Variants in ATRNL1 observed in about 807,000 individuals in gnomAD.
The protein encoded by ATRNL1 is attractin-like protein 1.
In ATRNL1, 95 loss-of-function variants were observed where a neutral mutation model predicts 182.7. The ratio of observed to expected loss-of-function variants is 0.52; its 90% confidence interval spans 0.44 to 0.62. ATRNL1 has a LOEUF of 0.62. Ranked by LOEUF, ATRNL1 falls within the 20% of genes least tolerant of loss-of-function variation. The pLI is 0.00. For missense variants in ATRNL1, 1,471 were observed against 1,679.5 expected (o/e 0.88, Z 2.17); for synonymous variants, 576 against 568.3 (o/e 1.01, Z -0.19).
chr10:115,508,276 G>C (rs546414776), intron 24 of ATRNL1, among the ~76,000 whole-genome samples: 1 of 152,028 alleles, frequency 6.6e-6, no homozygotes, highest in Non-Finnish European at 1.5e-5. Flanking sequence ...CCATTGACTG[G>C]AAGTTCTGTC....
At chr10:115,630,843 C>CACACAG (rs1555026107) in intron 26 of ATRNL1, among the ~76,000 whole-genome samples, 21 of 136,524 alleles carry the variant, frequency 1.5e-4, no homozygotes, top group African/African-American at 6.6e-4. Flanking sequence ...CACACACACA[C>CACACAG]ACACACACAC....
intron 26 of ATRNL1, among the ~76,000 whole-genome samples, chr10:115,655,935 A>G (rs1860303497): frequency 3.9e-5 from 6 of 152,178 alleles, no homozygotes; most frequent in Admixed American, 3.9e-4. Context: ...ACTAAATAGG[A>G]AAATAAGCCT....
intron 9 of ATRNL1, among the ~76,000 whole-genome samples, chr10:115,225,654 T>A (rs1273801923): frequency 6.6e-6 from 1 of 150,758 alleles, no homozygotes; most frequent in African/African-American, 2.4e-5. Flanking sequence ...AAGGAATAAA[T>A]CTAATGACTT....
chr10:115,394,722 C>T lies in ATRNL1; in HGVS notation c.3239C>T (p.Thr1080Ile). The change falls in exon 20 of 29, where the codon ACT (threonine) becomes ATT (isoleucine). Residue 1080 changes from threonine (T) to isoleucine (I), a missense_variant. Around this residue, in one of 3 missense-constraint regions of ATRNL1, gnomAD observed 437 missense variants for 506.0 expected, o/e 0.86. Coordinates refer to ENST00000355044, the MANE Select transcript of ATRNL1 (RefSeq NM_207303.4). Reference protein sequence around the residue: ...HLHTGKCFCTTKGIKGDQCQL... With the variant: ...HLHTGKCFCTIKGIKGDQCQL... ...CACACAGGAAAATGTTTCTGCACAA[C>T]TAAAGGAATAAAAGGTGACCAATGC... 1 of 1,609,320 alleles carries T rather than the reference C, an allele frequency of 6.2e-7. No homozygotes were observed. The highest frequency in any genetic ancestry group is 8.5e-7 in the Non-Finnish European group (1 of 1,177,694).
At chr10:115,170,541 CTG>C (rs1422556206) in intron 7 of ATRNL1, among the ~76,000 whole-genome samples, 1 of 149,052 alleles carries the variant, frequency 6.7e-6, no homozygotes, top group East Asian at 1.9e-4. Flanking sequence ...CAGTAAATAA[CTG>C]AGAATAGCAC....
intron 26 of ATRNL1, among the ~76,000 whole-genome samples, chr10:115,620,145 C>G (rs1345952675): frequency 5.3e-5 from 8 of 152,088 alleles, no homozygotes; most frequent in Non-Finnish European, 8.8e-5. Context: ...AGGAGGCTTA[C>G]AATCATGGAA....
intron 9 of ATRNL1, among the ~76,000 whole-genome samples, chr10:115,226,419 G>A (rs1849699092): frequency 6.6e-6 from 1 of 151,904 alleles, no homozygotes; most frequent in South Asian, 2.1e-4. Context: ...ATATTTATAT[G>A]TCTAAAAAGT....
At chr10:115,429,261 T>G (rs572385999) in intron 21 of ATRNL1, among the ~76,000 whole-genome samples, 8 of 152,184 alleles carry the variant, frequency 5.3e-5, no homozygotes, top group Non-Finnish European at 8.8e-5. Context: ...TATATTGATC[T>G]TATATTCATT....
At chr10:115,882,772 G>T (rs1444588874) in intron 28 of ATRNL1, among the ~76,000 whole-genome samples, 1 of 152,206 alleles carries the variant, frequency 6.6e-6, no homozygotes, top group African/African-American at 2.4e-5. Context: ...TGGTGCAGTG[G>T]CATTAGCCAC....
intron 27 of ATRNL1, among the ~76,000 whole-genome samples, chr10:115,829,551 C>A (rs992450182): frequency 6.6e-6 from 1 of 151,046 alleles, no homozygotes; most frequent in African/African-American, 2.4e-5. Flanking sequence ...ATCTGCAATG[C>A]GAGCTGAGCA....
At chr10:115,121,919 T>C (rs1844755448) in intron 3 of ATRNL1, 107 bp downstream of exon 3, 2 of 511,128 alleles carry the variant, frequency 3.9e-6, no homozygotes, top group South Asian at 6.3e-5. Context: ...TATTGATAGT[T>C]ACATTTCACA....
At chr10:115,631,884 A>G (rs1417021246) in intron 26 of ATRNL1, among the ~76,000 whole-genome samples, 1 of 152,084 alleles carries the variant, frequency 6.6e-6, no homozygotes, top group Non-Finnish European at 1.5e-5. Context: ...AAACAATGGC[A>G]AGTCGAGTCT....
At chr10:115,289,291 T>C (rs1257679203) in intron 15 of ATRNL1, among the ~76,000 whole-genome samples, 1 of 152,200 alleles carries the variant, frequency 6.6e-6, no homozygotes, top group Non-Finnish European at 1.5e-5. Flanking sequence ...AGATGAGATA[T>C]GGATGGGAAC....
intron 25 of ATRNL1, among the ~76,000 whole-genome samples, chr10:115,534,529 G>A (rs1253109222): frequency 2.0e-5 from 3 of 152,262 alleles, no homozygotes; most frequent in Non-Finnish European, 2.9e-5. Flanking sequence ...CCTGAATACA[G>A]CACAACTGTA....
At chr10:115,228,774 T>C (rs1394808990) in intron 9 of ATRNL1, among the ~76,000 whole-genome samples, 9 of 150,564 alleles carry the variant, frequency 6.0e-5, no homozygotes, top group Non-Finnish European at 8.9e-5. Context: ...TTCTTTTTTT[T>C]TTTTTTTTGA....
intron 20 of ATRNL1, among the ~76,000 whole-genome samples, chr10:115,411,372 A>T (rs971387947): frequency 6.6e-5 from 10 of 151,822 alleles, no homozygotes; most frequent in South Asian, 6.2e-4. Context: ...CAAAATGTGT[A>T]TAACAATGTT....
intron 27 of ATRNL1, among the ~76,000 whole-genome samples, chr10:115,760,350 T>C (rs905579749): frequency 2.6e-5 from 4 of 152,030 alleles, no homozygotes; most frequent in African/African-American, 9.7e-5. Context: ...TTTTCCTCCT[T>C]CAAAAAGACA....
At chr10:115,841,766 T>G (rs1950814447) in intron 27 of ATRNL1, among the ~76,000 whole-genome samples, 1 of 152,118 alleles carries the variant, frequency 6.6e-6, no homozygotes, top group Admixed American at 6.6e-5. Context: ...AATATGATTT[T>G]CGCTTCCATT....
At chr10:115,868,819 A>ATTATTTTTTTTTTT in intron 28 of ATRNL1, among the ~76,000 whole-genome samples, 1 of 98,304 alleles carries the variant, frequency 1.0e-5, no homozygotes, top group East Asian at 2.9e-4. Context: ...GCAAGTCTTT[A>ATTATTTTTTTTTTT]TTCTTTTTTT....
Sources: allele counts gnomAD v4.1 joint callset (sites outside exome capture counted in the v4.1 genomes callset), GRCh38; gene constraint gnomAD v4.1.1; regional missense constraint gnomAD v4.1.1; transcripts MANE v1.5; gene names NCBI Gene and HGNC (gene_info 2026-07-23, HGNC 2026-07-21).